Variants in PPP2R5C observed in about 807,000 individuals in gnomAD.
The protein encoded by PPP2R5C is serine/threonine-protein phosphatase 2A 56 kDa regulatory subunit gamma isoform.
A neutral mutation model predicts 68.9 loss-of-function variants in PPP2R5C; 7 were observed. The ratio of observed to expected loss-of-function variants is 0.10; its 90% CI spans 0.06 to 0.19. The LOEUF is 0.19. Ranked by LOEUF, PPP2R5C falls within the 10% of genes least tolerant of loss-of-function variation. The pLI is 1.00. For synonymous variants in PPP2R5C, 210 were observed against 222.2 expected (o/e 0.95, Z 0.49); for missense variants, 348 against 641.3 (o/e 0.54, Z 4.94).
intron 3 of PPP2R5C, among the ~76,000 whole-genome samples, chr14:101,792,525 T>G (rs2038405976): frequency 6.6e-6 from 1 of 152,212 alleles, no homozygotes; most frequent in Non-Finnish European, 1.5e-5. Context: ...GAAATGGAGC[T>G]CCTACTGAAA....
At chr14:101,878,891 T>TA (rs2043965050) in intron 2 of PPP2R5C, among the ~76,000 whole-genome samples, 1 of 152,230 alleles carries the variant, frequency 6.6e-6, no homozygotes, top group Non-Finnish European at 1.5e-5. Context: ...GGTTGACACA[T>TA]ACGGCCAGCT....
chr14:101,818,233 A>G (rs2140247204), intron 1 of PPP2R5C: 1 of 152,320 alleles, frequency 6.6e-6, no homozygotes, highest in East Asian at 1.9e-4. Context: ...CCAGTCCGTG[A>G]AGTCTAGAGT....
chr14:101,812,113 C>T (rs1168411443), intron 1 of PPP2R5C, among the ~76,000 whole-genome samples: 1 of 152,126 alleles, frequency 6.6e-6, no homozygotes, highest in African/African-American at 2.4e-5. Flanking sequence ...TTTTCTGGAG[C>T]GAGCATGTTA....
Position 101,817,495 on chromosome 14 carries a change from C to T in PPP2R5C, c.94+7459C>T, listed in dbSNP as rs552380219. Among the ~76,000 whole-genome samples the T allele has an allele frequency of 3.3e-5, 5 of 152,278 alleles. No homozygotes were observed. In the South Asian group the frequency reaches 1.0e-3, roughly 32 times the overall value. On this transcript the variant is annotated intron_variant, in intron 1 of 13. Coordinates refer to ENST00000334743, the Ensembl canonical transcript of PPP2R5C. ...CTGCACAGACGGCCACACCATCTGA[C>T]AAAACAGCGTTTTTGGGGTGCATAA...
At chr14:101,884,742 C>T (rs1008122747) in intron 5 of PPP2R5C, among the ~76,000 whole-genome samples, 1 of 152,252 alleles carries the variant, frequency 6.6e-6, no homozygotes, top group African/African-American at 2.4e-5. Context: ...TTACACCAGC[C>T]CTTCCCTCAG....
intron 2 of PPP2R5C, among the ~76,000 whole-genome samples, chr14:101,865,509 T>C (rs1270184538): frequency 1.3e-5 from 2 of 152,132 alleles, no homozygotes; most frequent in African/African-American, 2.4e-5. Context: ...CACCAAACCA[T>C]GCGATAGAGT....
intron 1 of PPP2R5C, among the ~76,000 whole-genome samples, chr14:101,815,747 G>A (rs964607030): frequency 2.6e-5 from 4 of 152,178 alleles, no homozygotes; most frequent in Non-Finnish European, 5.9e-5. Flanking sequence ...TCGGCTCACT[G>A]CAACCTCTGC....
rs924278444 is a variant in PPP2R5C at position 101,797,215 on chromosome 14, C to G, written c.259+11032C>G. ...CCTAAACATAATATCTTCCAGGTCC[C>G]CCCACATTGTAGCACGTGCCAGACC... is the stretch of plus-strand genomic sequence containing the variant. On this transcript the variant is annotated intron_variant, in intron 3 of 14. Coordinates refer to the PPP2R5C transcript ENST00000328724. This position sits in a 1 kb window ranked among gnomAD's most constrained non-coding sequence, Gnocchi z 4.2. 27 of 455,942 alleles carry G rather than the reference C, an allele frequency of 5.9e-5. No homozygotes were observed. The highest frequency in any genetic ancestry group is 4.8e-4 in the African/African-American group (24 of 50,066). The allele number at this position is 455,942 out of a possible 1,614,324, so 28.2% of individuals were successfully genotyped here.
chr14:101,779,105 T>G (rs2037554614), intron 2 of PPP2R5C, among the ~76,000 whole-genome samples: 1 of 152,022 alleles, frequency 6.6e-6, no homozygotes, highest in Admixed American at 6.6e-5. Flanking sequence ...CATACAAAAC[T>G]AGGTTTTGTC....
At chr14:101,821,452 GGTGTGT>G (rs71116851) in intron 1 of PPP2R5C, among the ~76,000 whole-genome samples, 10 of 121,440 alleles carry the variant, frequency 8.2e-5, no homozygotes, top group African/African-American at 1.2e-4. Flanking sequence ...TGGGTGGGTG[GGTGTGT>G]GTGTGTGTGT....
At chr14:101,761,948 AG>A in intron 1 of PPP2R5C, 28 bp downstream of exon 1, 1 of 1,185,304 alleles carries the variant, frequency 8.4e-7, no homozygotes, top group Non-Finnish European at 1.1e-6. Context: ...CGCGGGACGG[AG>A]GGAGCAGGGA....
intron 1 of PPP2R5C, among the ~76,000 whole-genome samples, chr14:101,856,192 A>G (rs775886950): frequency 2.4e-4 from 37 of 152,138 alleles, no homozygotes; most frequent in Non-Finnish European, 4.6e-4. Context: ...TGCCCTTCCC[A>G]TGTTGTAAGC....
At chr14:101,828,741 G>A (rs909104212) in intron 1 of PPP2R5C, among the ~76,000 whole-genome samples, 1 of 145,908 alleles carries the variant, frequency 6.9e-6, no homozygotes, top group Non-Finnish European at 1.5e-5. Flanking sequence ...ACAGTGACAC[G>A]ATCTCGGCTC....
chr14:101,917,703 A>G lies in PPP2R5C; in HGVS notation c.1327-128A>G, dbSNP rs1659726621. ...TGTTGCAGGTGTAGGCGAGTCTCCCACTGAGTGGGCTTCCTGCGGGAGAGG... is the reference window on the plus strand; with the variant it reads ...TGTTGCAGGTGTAGGCGAGTCTCCCGCTGAGTGGGCTTCCTGCGGGAGAGG... On this transcript the variant is annotated intron_variant, in intron 12 of 13. Transcript: ENST00000334743. The surrounding 1 kb of genome is among the most constrained non-coding windows in gnomAD (Gnocchi z 4.4). The G allele has an allele frequency of 7.6e-7, 1 of 1,313,142 alleles. No individual in the cohort carries two copies. Among genetic ancestry groups the G allele is most frequent in the South Asian group, 1.4e-5 (1 of 72,956 alleles). 81.3% of individuals were successfully genotyped at this position (1,313,142 alleles called of 1,614,324 possible). A position where few individuals can be genotyped will look rare whatever the true frequency, so the allele number is the denominator to read the frequency against.
rs754722063 is a variant in PPP2R5C at position 101,922,823 on chromosome 14, T to TA, written c.1444-2308dup. ...ACAGAGACCCTGTCTCTAATAAAAA[T>TA]AAAAAAAAAATTTTAAAGAAATTTG... is the stretch of plus-strand genomic sequence containing the variant. On this transcript the variant is annotated intron_variant, in intron 13 of 13. Transcript: ENST00000334743. Among the ~76,000 whole-genome samples the TA allele has an allele frequency of 7.4e-4, 111 of 150,978 alleles. 1 individual carries two copies. The highest frequency in any genetic ancestry group is 2.3e-3 in the South Asian group (11 of 4,768).
At chr14:101,785,905 G>C in intron 2 of PPP2R5C, 113 bp from the exon 3 acceptor site, 1 of 972,856 alleles carries the variant, frequency 1.0e-6, no homozygotes, top group Non-Finnish European at 1.4e-6. Context: ...CTTCCATGGA[G>C]TGAAGGGGAA....
At chr14:101,852,058 T>C (rs891480235) in intron 1 of PPP2R5C, among the ~76,000 whole-genome samples, 4 of 152,212 alleles carry the variant, frequency 2.6e-5, no homozygotes, top group Non-Finnish European at 4.4e-5. Flanking sequence ...GTCTCCAAAC[T>C]CTTCTGTCCA....
chr14:101,763,947 A>G (rs1174538059), intron 2 of PPP2R5C, among the ~76,000 whole-genome samples: 3 of 152,134 alleles, frequency 2.0e-5, no homozygotes, highest in African/African-American at 7.2e-5. Context: ...TCTTTCTCCA[A>G]TAATGTTGGT....
chr14:101,784,512 G>T (rs187348882), intron 2 of PPP2R5C, among the ~76,000 whole-genome samples: 6 of 142,442 alleles, frequency 4.2e-5, no homozygotes, highest in Admixed American at 1.4e-4. Context: ...AGAGAAAGTG[G>T]GGGGGGGGAA....
Sources: allele counts gnomAD v4.1 joint callset (sites outside exome capture counted in the v4.1 genomes callset), GRCh38; gene constraint gnomAD v4.1.1; non-coding constraint Gnocchi (gnomAD v3.1); transcripts MANE v1.5; gene names NCBI Gene and HGNC (gene_info 2026-07-23, HGNC 2026-07-21).